The following CEBPZ variants were observed in gnomAD, a reference collection of about 807,000 sequenced individuals.
The protein encoded by CEBPZ is CCAAT/enhancer-binding protein zeta.
A neutral mutation model predicts 104.5 loss-of-function variants in CEBPZ; 78 were observed. The ratio of observed to expected loss-of-function variants is 0.75; its 90% CI spans 0.62 to 0.90. The LOEUF is 0.90. Among genes scored for constraint, CEBPZ ranks in the 40% least tolerant of loss-of-function variants. The pLI is 0.00. For synonymous variants in CEBPZ, 470 were observed against 427.0 expected (o/e 1.10, Z -1.24); for missense variants, 1,439 against 1,233.5 (o/e 1.17, Z -2.50).
chr2:37,209,527 AAAAC>A (rs1677650255), intron 13 of CEBPZ: 1 of 152,216 alleles, frequency 6.6e-6, no homozygotes, highest in African/African-American at 2.4e-5. Context: ...AAAGTAAACA[AAAAC>A]AAAGTGGGGA....
chr2:37,202,527 C>G (rs1388322330), intron 15 of CEBPZ: 2 of 285,176 alleles, frequency 7.0e-6, no homozygotes, highest in East Asian at 6.6e-5. Context: ...TGCCTGTAAT[C>G]CCAGCTACTT....
At chr2:37,204,721 A>G (rs1677470869) in intron 13 of CEBPZ, 1 of 152,214 alleles carries the variant, frequency 6.6e-6, no homozygotes, top group Non-Finnish European at 1.5e-5. Context: ...ATCTGAATCA[A>G]TTAATAAATC....
intron 8 of CEBPZ, among the ~76,000 whole-genome samples, chr2:37,215,848 T>TA (rs1412051845): frequency 1.3e-5 from 2 of 151,518 alleles, no homozygotes; most frequent in African/African-American, 4.9e-5. Flanking sequence ...CTACGGATGA[T>TA]AAAATGGTGA....
chr2:37,218,492 T>C (rs1392844876), intron 5 of CEBPZ, among the ~76,000 whole-genome samples: 1 of 152,196 alleles, frequency 6.6e-6, no homozygotes, highest in Non-Finnish European at 1.5e-5. Context: ...TTTAGTACTA[T>C]ACCAAAACCA....
chr2:37,202,846 T>C lies in CEBPZ; in HGVS notation c.2963A>G (p.Glu988Gly). 6.2e-7 allele frequency: 1 copy of C among 1,602,572 alleles called. No individual in the cohort carries two copies. Among genetic ancestry groups the C allele is most frequent in the South Asian group, 1.1e-5 (1 of 88,582 alleles). Residue 988 changes from glutamate (E) to glycine (G), a missense_variant, in exon 15 of 16, where the codon GAA (glutamate) becomes GGA (glycine). Coordinates refer to ENST00000234170, the MANE Select transcript of CEBPZ (RefSeq NM_005760.3). ...SAEEFGHLLD[E>G]NMGSKFDNIG... ...GTTATCAAACTTGGATCCCATATTT[T>C]CATCCAATAGATGGCCAAACTTTTA...
At chr2:37,225,339 T>A (rs949012399) in intron 2 of CEBPZ, among the ~76,000 whole-genome samples, 1 of 152,080 alleles carries the variant, frequency 6.6e-6, no homozygotes, top group Non-Finnish European at 1.5e-5. Flanking sequence ...GGAAGAGAGA[T>A]CAGATTGTTA....
chr2:37,226,300 G>A lies in CEBPZ; in HGVS notation c.1649+1244C>T, dbSNP rs112359727. 4.7e-3 allele frequency among the ~76,000 whole-genome samples: 714 copies of A among 152,288 alleles called. 7 individuals carry two copies. The highest frequency in any genetic ancestry group is 0.017 in the African/African-American group (695 of 41,548). On this transcript the variant is annotated intron_variant, in intron 2 of 15. Coordinates refer to ENST00000234170, the MANE Select transcript of CEBPZ (RefSeq NM_005760.3). ...CCACCCCTACATCACAGACTGGAGAGCTGTTAAGAGGATTAAACTAAAGAA... is the reference window on the plus strand; with the variant it reads ...CCACCCCTACATCACAGACTGGAGAACTGTTAAGAGGATTAAACTAAAGAA...
At position 37,228,467 on chromosome 2, in the gene CEBPZ, C is replaced by A; in HGVS notation, c.726G>T (p.Gly242=). 2 of 1,614,204 alleles carry A rather than the reference C, an allele frequency of 1.2e-6. No individual in the cohort carries two copies. Among genetic ancestry groups the A allele is most frequent in the Middle Eastern group, 1.6e-4 (1 of 6,062 alleles). ...TGGCTGCCATCCTGTCACCTAGTGT[C>A]CCCGATGACACAATTGCCTTCATCC... The part of the protein sequence containing the change: ...STWMKAIVSS[G]TLGDRMAAMI... Residue 242 remains glycine, a synonymous_variant, in exon 2 of 16, where the codon GGG becomes GGT. Coordinates refer to ENST00000234170, the MANE Select transcript of CEBPZ (RefSeq NM_005760.3).
intron 13 of CEBPZ, chr2:37,209,193 C>G (rs755367182): frequency 1.3e-5 from 2 of 152,154 alleles, no homozygotes; most frequent in Non-Finnish European, 2.9e-5. Context: ...TGGGTAGAAT[C>G]GATATTGTGA....
In CEBPZ at chr2:37,228,728, G is replaced by T; in HGVS notation, c.465C>A (p.Thr155=). 6.2e-7 allele frequency: 1 copy of T among 1,613,994 alleles called. No individual in the cohort carries two copies. Among genetic ancestry groups the T allele is most frequent in the Non-Finnish European group, 8.5e-7 (1 of 1,179,990 alleles). The part of the protein sequence containing the change: ...PEPHSDENGS[T]TPKVKKDKQN... Reference sequence around the variant, plus strand: ...GTTTATCTTTCTTTACTTTCGGTGTGGTACTGCCATTCTCATCAGAATGTG... The same window carrying T: ...GTTTATCTTTCTTTACTTTCGGTGTTGTACTGCCATTCTCATCAGAATGTG... Residue 155 remains threonine, a synonymous_variant, in exon 2 of 16, where the codon ACC becomes ACA. Transcript: ENST00000234170.
At chr2:37,216,104 T>A (rs71437574) in intron 8 of CEBPZ, 36 bp downstream of exon 8, 1 of 1,445,158 alleles carries the variant, frequency 6.9e-7, no homozygotes, top group Non-Finnish European at 9.6e-7. Flanking sequence ...TCTTATATTG[T>A]CTTTTCAGTT....
rs764909329 is a variant in CEBPZ at position 37,228,913 on chromosome 2, C to T, written c.280G>A (p.Ala94Thr). The T allele has an allele frequency of 1.2e-6, 2 of 1,610,716 alleles. No individual in the cohort carries two copies. Among genetic ancestry groups the T allele is most frequent in the East Asian group, 2.2e-5 (1 of 44,770 alleles). The change falls in exon 2 of 16, where the codon GCG (alanine) becomes ACG (threonine). Residue 94 changes from alanine (A) to threonine (T), a missense_variant. Coordinates refer to ENST00000234170, the MANE Select transcript of CEBPZ (RefSeq NM_005760.3). The part of the protein sequence containing the change: ...LEAFIQNLNL[A>T]KYTKASLVEE... ...ACTAAGGAAGCTTTTGTATACTTCG[C>T]CAAATTAAGATTTTGAATAAATGCT...
intron 13 of CEBPZ, among the ~76,000 whole-genome samples, chr2:37,207,332 CA>C (rs1358354634): frequency 1.3e-5 from 2 of 152,126 alleles, no homozygotes; most frequent in East Asian, 3.9e-4. Flanking sequence ...ACATTCTACC[CA>C]AAAACTGCAG....
chr2:37,212,867 C>CAA (rs749522819), intron 10 of CEBPZ, among the ~76,000 whole-genome samples: 1,780 of 117,216 alleles, frequency 0.015, 29 homozygotes, highest in Admixed American at 0.04. Context: ...ACAACAACAA[C>CAA]AAAAAAAAAA....
chr2:37,217,623 C>A (rs899222650), intron 5 of CEBPZ, among the ~76,000 whole-genome samples: 3 of 152,094 alleles, frequency 2.0e-5, no homozygotes, highest in African/African-American at 7.2e-5. Context: ...AATAAAGCGG[C>A]CAGGCGCGGT....
intron 2 of CEBPZ, among the ~76,000 whole-genome samples, chr2:37,225,319 G>A (rs542655236): frequency 6.6e-6 from 1 of 152,170 alleles, no homozygotes; most frequent in Non-Finnish European, 1.5e-5. Context: ...ATCTCACAGT[G>A]TGGGGAAAAG....
At chr2:37,219,056 A>T in intron 5 of CEBPZ, among the ~76,000 whole-genome samples, 1 of 152,204 alleles carries the variant, frequency 6.6e-6, no homozygotes, top group East Asian at 1.9e-4. Flanking sequence ...AAGATTTTTA[A>T]AACTTTAATC....
chr2:37,203,982 C>T (rs1677415800), intron 13 of CEBPZ: 1 of 152,134 alleles, frequency 6.6e-6, no homozygotes, highest in East Asian at 1.9e-4. Flanking sequence ...AATAGTGCTG[C>T]TGTGAACAAT....
Position 37,216,966 on chromosome 2 carries a change from GATTT to G in CEBPZ, c.2208+14_2208+17del, listed in dbSNP as rs772975835. ...CTTTTTTTCTTATTTCTCATCTTTG[GATTT>G]ATTTTAGACTCACCTGAAGGATGGT... On this transcript the variant is annotated intron_variant, in intron 6 of 15. Transcript: ENST00000234170. The G allele has an allele frequency of 1.4e-5, 23 of 1,592,140 alleles. No individual in the cohort carries two copies. Among genetic ancestry groups the G allele is most frequent in the Middle Eastern group, 1.7e-4 (1 of 6,018 alleles).
Sources: gnomAD v4.1 joint callset for allele counts (sites outside exome capture counted in the v4.1 genomes callset) on GRCh38, gnomAD v4.1.1 for gene constraint, MANE v1.5 for transcripts, NCBI Gene and HGNC (gene_info 2026-07-23, HGNC 2026-07-21) for gene names.